The following LARGE1 variants were observed in gnomAD, a reference collection of about 807,000 sequenced individuals.
The protein encoded by LARGE1 is LARGE xylosyl- and glucuronyltransferase 1.
In LARGE1, 43 loss-of-function variants were observed where a neutral mutation model predicts 87.6. The observed-to-expected ratio is 0.49, with a 90% CI of 0.38 to 0.63. The LOEUF (loss-of-function observed/expected upper bound fraction) is 0.63, where lower values mean the gene tolerates loss of function less well. Ranked by LOEUF, LARGE1 falls within the 30% of genes least tolerant of loss-of-function variation. LARGE1 has a pLI of 0.00. For synonymous variants in LARGE1, 434 were observed against 394.6 expected, an observed-to-expected ratio of 1.10 and a Z score of -1.18; for missense variants, 802 against 1,000.2, an observed-to-expected ratio of 0.80 and a Z score of 2.67.
chr22:33,194,292 C>T (rs1923952069), intron 11 of LARGE1, among the ~76,000 whole-genome samples: 1 of 152,090 alleles, frequency 6.6e-6, no homozygotes, highest in Non-Finnish European at 1.5e-5. Context: ...GAGTTCTAAA[C>T]AAAGATAAAT....
chr22:33,813,755 G>C (rs17311), intron 1 of LARGE1, among the ~76,000 whole-genome samples: 38,569 of 151,990 alleles, frequency 0.25, 5,045 homozygotes, highest in Middle Eastern at 0.37. Context: ...TCTCCATCTT[G>C]ACTGGTATCT....
chr22:33,555,944 A>AG (rs2077664057), intron 6 of LARGE1, among the ~76,000 whole-genome samples: 1 of 151,388 alleles, frequency 6.6e-6, no homozygotes, highest in African/African-American at 2.4e-5. Flanking sequence ...AAAAAAAAAA[A>AG]AAGTGTAGAT....
At chr22:33,380,570 G>A (rs757500493) in intron 9 of LARGE1, among the ~76,000 whole-genome samples, 8 of 152,296 alleles carry the variant, frequency 5.3e-5, no homozygotes, top group Admixed American at 2.6e-4. Context: ...TGGATATGAT[G>A]TTCATTAACA....
At chr22:33,272,334 C>A (rs1176224993), downstream of LARGE1, among the ~76,000 whole-genome samples, 1 of 152,074 alleles carries the variant, frequency 6.6e-6, no homozygotes, top group Non-Finnish European at 1.5e-5. Context: ...TGTGTGTACA[C>A]AGGGGAGAGA....
intron 9 of LARGE1, among the ~76,000 whole-genome samples, chr22:33,338,965 T>C (rs372020562): frequency 6.6e-6 from 1 of 151,956 alleles, no homozygotes; most frequent in African/African-American, 2.4e-5. Context: ...CTGGCCAACA[T>C]GGTGAAACCC....
chr22:33,448,943 G>C (rs1409040114), intron 6 of LARGE1, among the ~76,000 whole-genome samples: 3 of 152,164 alleles, frequency 2.0e-5, no homozygotes, highest in Non-Finnish European at 4.4e-5. Context: ...ACTGATTTTC[G>C]TTCTGTCACT....
At chr22:33,851,836 G>A (rs1193424450) in intron 1 of LARGE1, among the ~76,000 whole-genome samples, 1 of 152,246 alleles carries the variant, frequency 6.6e-6, no homozygotes, top group Non-Finnish European at 1.5e-5. Context: ...TAAGAGGCAG[G>A]AGGAACAGAA....
chr22:33,078,853 C>T, the LARGE1 span, among the ~76,000 whole-genome samples: 2 of 152,258 alleles, frequency 1.3e-5, no homozygotes, highest in South Asian at 2.1e-4. Flanking sequence ...GGGTTAGAGG[C>T]GAGGTCAGGG....
chr22:33,856,826 TA>T (rs919948954), intron 1 of LARGE1: 1 of 152,232 alleles, frequency 6.6e-6, no homozygotes, highest in African/African-American at 2.4e-5. Flanking sequence ...AAGGCCCCTT[TA>T]AGGTTAGTTG....
intron 1 of LARGE1, among the ~76,000 whole-genome samples, chr22:33,888,264 AAAAAAAAAGTAAT>A (rs1252051127): frequency 6.6e-6 from 1 of 151,588 alleles, no homozygotes; most frequent in Non-Finnish European, 1.5e-5. Flanking sequence ...TAAAAAACGA[AAAAAAAAAGTAAT>A]AAAAAAAAGT....
intron 5 of LARGE1, among the ~76,000 whole-genome samples, chr22:33,575,479 C>T (rs1167402445): frequency 6.6e-6 from 1 of 152,130 alleles, no homozygotes; most frequent in Non-Finnish European, 1.5e-5. Flanking sequence ...ATACAAGCAG[C>T]TCTAGGTCAG....
intron 2 of LARGE1, among the ~76,000 whole-genome samples, chr22:33,715,707 C>G (rs1488138190): frequency 1.3e-5 from 2 of 152,152 alleles, no homozygotes; most frequent in African/African-American, 4.8e-5. Context: ...CAGAAATTCT[C>G]TTCCCCTAGC....
intron 1 of LARGE1, among the ~76,000 whole-genome samples, chr22:33,910,378 G>C (rs2065597201): frequency 6.6e-6 from 1 of 152,160 alleles, no homozygotes; most frequent in African/African-American, 2.4e-5. Flanking sequence ...GTTGAAGATG[G>C]CCAAGCACAG....
chr22:33,181,633 A>G (rs1443077108), intron 11 of LARGE1, among the ~76,000 whole-genome samples: 3 of 151,058 alleles, frequency 2.0e-5, no homozygotes, highest in East Asian at 2.0e-4. Context: ...GGTTCATGCC[A>G]TTCTCCTGCC....
At chr22:33,232,995 TC>T (rs1372041534) in intron 11 of LARGE1, among the ~76,000 whole-genome samples, 1 of 152,216 alleles carries the variant, frequency 6.6e-6, no homozygotes, top group Non-Finnish European at 1.5e-5. Context: ...CCTGGGGGAT[TC>T]CCGAACCCTG....
chr22:33,665,278 T>C (rs1402241044), intron 2 of LARGE1, among the ~76,000 whole-genome samples: 1 of 152,174 alleles, frequency 6.6e-6, no homozygotes, highest in Admixed American at 6.5e-5. Flanking sequence ...TCTGTTTCCT[T>C]TTTATTTGCC....
intron 6 of LARGE1, among the ~76,000 whole-genome samples, chr22:33,477,133 G>A (rs191902190): frequency 1.3e-5 from 2 of 152,224 alleles, no homozygotes; most frequent in African/African-American, 2.4e-5. Flanking sequence ...GAAATTCTGG[G>A]AGGAATGTTC....
chr22:33,589,964 T>G (rs1295592172), intron 5 of LARGE1, among the ~76,000 whole-genome samples: 2 of 152,212 alleles, frequency 1.3e-5, no homozygotes, highest in African/African-American at 4.8e-5. Context: ...GTATCTATCA[T>G]TTGTGTAATT....
At chr22:33,073,826 C>T in the LARGE1 span, among the ~76,000 whole-genome samples, 8 of 152,120 alleles carry the variant, frequency 5.3e-5, no homozygotes, top group Non-Finnish European at 8.8e-5. Flanking sequence ...GCTAATAAAC[C>T]TTACCTCCTT....
Sources: allele counts gnomAD v4.1 joint callset (sites outside exome capture counted in the v4.1 genomes callset), GRCh38; gene constraint gnomAD v4.1.1; transcripts MANE v1.5; gene names NCBI Gene and HGNC (gene_info 2026-07-23, HGNC 2026-07-21).